The following ARHGEF3 variants were observed in gnomAD, a reference collection of about 807,000 sequenced individuals.
ARHGEF3 encodes 59.8 kDA protein.
Under a neutral mutation model 63.2 loss-of-function variants are expected in ARHGEF3, and 28 were observed. That is an observed-to-expected ratio of 0.44 (90% CI 0.33 to 0.61). The LOEUF (loss-of-function observed/expected upper bound fraction) is 0.61. ARHGEF3 is among the 20% of genes least tolerant of loss of function. The pLI is 0.03. For synonymous variants in ARHGEF3, 266 were observed against 254.2 expected, an observed-to-expected ratio of 1.05 and a Z score of -0.44; for missense variants, 533 against 659.3, an observed-to-expected ratio of 0.81 and a Z score of 2.10.
chr3:56,958,258 T>C (rs1700127652), intron 3 of ARHGEF3, among the ~76,000 whole-genome samples: 1 of 151,912 alleles, frequency 6.6e-6, no homozygotes, highest in African/African-American at 2.4e-5. Context: ...ACAAGATGCT[T>C]CCTGCAGCCC....
intron 2 of ARHGEF3, among the ~76,000 whole-genome samples, chr3:57,014,061 T>C (rs1184302223): frequency 6.6e-6 from 1 of 152,120 alleles, no homozygotes; most frequent in Non-Finnish European, 1.5e-5. Flanking sequence ...GGAGCTTCAC[T>C]CTTAAAGCCA....
intron 1 of ARHGEF3, among the ~76,000 whole-genome samples, chr3:56,778,684 C>T (rs988280793): frequency 2.6e-5 from 4 of 152,044 alleles, no homozygotes; most frequent in Non-Finnish European, 4.4e-5. Context: ...CAGGTGCTCA[C>T]CACCATGCCT....
At chr3:56,886,172 T>C (rs556851839) in intron 3 of ARHGEF3, among the ~76,000 whole-genome samples, 1 of 152,320 alleles carries the variant, frequency 6.6e-6, no homozygotes, top group African/African-American at 2.4e-5. Context: ...TTTTATTTAA[T>C]TGTTTTCTGG....
chr3:56,838,336 T>C (rs1435902914), intron 4 of ARHGEF3, among the ~76,000 whole-genome samples: 3 of 152,196 alleles, frequency 2.0e-5, no homozygotes, highest in African/African-American at 2.4e-5. Context: ...TTTGTACGAA[T>C]CTCTACATAA....
chr3:56,827,376 G>T (rs1317502134), intron 4 of ARHGEF3, among the ~76,000 whole-genome samples: 1 of 152,168 alleles, frequency 6.6e-6, no homozygotes, highest in African/African-American at 2.4e-5. Flanking sequence ...ATAGCAGGGT[G>T]TTTATGAGTT....
intron 3 of ARHGEF3, among the ~76,000 whole-genome samples, chr3:56,948,831 GAGA>G (rs1318990555): frequency 2.3e-5 from 3 of 131,300 alleles, no homozygotes; most frequent in African/African-American, 8.0e-5. Context: ...AACAAAAAAA[GAGA>G]ATTTAGACCA....
intron 4 of ARHGEF3, among the ~76,000 whole-genome samples, chr3:56,863,908 A>G (rs1349014005): frequency 6.6e-6 from 1 of 152,256 alleles, no homozygotes; most frequent in Non-Finnish European, 1.5e-5. Context: ...ATACAATGAC[A>G]GAAGGTAAAA....
chr3:56,731,134 C>T (rs976779549), intron 9 of ARHGEF3, among the ~76,000 whole-genome samples: 18 of 152,162 alleles, frequency 1.2e-4, no homozygotes, highest in Admixed American at 7.9e-4. Context: ...AGGGATTGAT[C>T]AGTAGGGAGA....
intron 3 of ARHGEF3, among the ~76,000 whole-genome samples, chr3:56,902,213 T>C (rs2041531024): frequency 6.6e-6 from 1 of 152,206 alleles, no homozygotes; most frequent in Non-Finnish European, 1.5e-5. Context: ...TCTGCATGTG[T>C]CTGTGAATGA....
chr3:56,951,059 C>T (rs1195825292), intron 3 of ARHGEF3, among the ~76,000 whole-genome samples: 1 of 151,428 alleles, frequency 6.6e-6, no homozygotes, highest in Non-Finnish European at 1.5e-5. Flanking sequence ...TGTTCTCACT[C>T]ATAGGTGGGA....
intron 2 of ARHGEF3, among the ~76,000 whole-genome samples, chr3:56,997,655 A>G (rs1250630699): frequency 6.6e-6 from 1 of 152,164 alleles, no homozygotes; most frequent in Non-Finnish European, 1.5e-5. Flanking sequence ...ACATCCACGT[A>G]TGCCTTTGCC....
At chr3:56,985,024 G>A (rs889297327) in intron 2 of ARHGEF3, among the ~76,000 whole-genome samples, 1 of 152,184 alleles carries the variant, frequency 6.6e-6, no homozygotes, top group Non-Finnish European at 1.5e-5. Flanking sequence ...TTTCACCCCT[G>A]GCCTATGAAT....
At chr3:56,773,579 G>A (rs545713082) in intron 2 of ARHGEF3, 130 bp downstream of exon 2, 99 of 746,678 alleles carry the variant, frequency 1.3e-4, no homozygotes, top group Admixed American at 2.7e-4. Flanking sequence ...CCCCTCACTT[G>A]CACTCTTCTA....
At chr3:56,947,324 C>G (rs1311883706) in intron 3 of ARHGEF3, among the ~76,000 whole-genome samples, 2 of 152,196 alleles carry the variant, frequency 1.3e-5, no homozygotes, top group African/African-American at 4.8e-5. Context: ...TTAAAAGACA[C>G]AGACTGGCAA....
At chr3:56,997,892 C>G (rs1702052830) in intron 2 of ARHGEF3, among the ~76,000 whole-genome samples, 1 of 152,204 alleles carries the variant, frequency 6.6e-6, no homozygotes, top group African/African-American at 2.4e-5. Flanking sequence ...ATAAAACTTT[C>G]ACAATTCCAA....
intron 4 of ARHGEF3, among the ~76,000 whole-genome samples, chr3:56,824,757 C>T (rs777322163): frequency 6.6e-6 from 1 of 152,158 alleles, no homozygotes; most frequent in Non-Finnish European, 1.5e-5. Context: ...CTATCCAGTC[C>T]ACTTTAGCAA....
intron 3 of ARHGEF3, among the ~76,000 whole-genome samples, chr3:56,931,879 G>C (rs1295709744): frequency 6.6e-6 from 1 of 151,930 alleles, no homozygotes; most frequent in Non-Finnish European, 1.5e-5. Flanking sequence ...TTTTTTTCTT[G>C]GCTGAGTACA....
rs375222068 is a variant in ARHGEF3, at chr3:57,073,689, G to A, written c.-28+5537C>T. Reference sequence around the variant, plus strand: ...TCTGGAGAATTCTGTTTTTGACTTGGGCCCCATGTCCAGTTCTGCTCTGAC... The same window carrying A: ...TCTGGAGAATTCTGTTTTTGACTTGAGCCCCATGTCCAGTTCTGCTCTGAC... On this transcript the variant is annotated intron_variant, in intron 1 of 12. Coordinates refer to the ARHGEF3 transcript ENST00000338458. The A allele has an allele frequency of 1.3e-5, 21 of 1,601,636 alleles. No individual in the cohort carries two copies. The African/African-American group carries it at 2.3e-4, about 17-fold the overall frequency.
At chr3:57,078,130 T>C (rs1706299682) in intron 1 of ARHGEF3, among the ~76,000 whole-genome samples, 1 of 152,210 alleles carries the variant, frequency 6.6e-6, no homozygotes, top group Non-Finnish European at 1.5e-5. Context: ...AGGTTTGTAC[T>C]GTTATCATCC....
Sources: gnomAD v4.1 joint callset for allele counts (sites outside exome capture counted in the v4.1 genomes callset) on GRCh38, gnomAD v4.1.1 for gene constraint, MANE v1.5 for transcripts, NCBI Gene and HGNC (gene_info 2026-07-23, HGNC 2026-07-21) for gene names.